Variants in SLC39A12 observed in about 807,000 individuals in gnomAD.
The protein encoded by SLC39A12 is zinc transporter ZIP12.
A neutral mutation model predicts 71.1 loss-of-function variants in SLC39A12; 63 were observed. The ratio of observed to expected loss-of-function variants is 0.89; its 90% CI spans 0.72 to 1.09. SLC39A12 has a LOEUF of 1.09. Ranked by LOEUF, SLC39A12 falls within the 50% of genes least tolerant of loss-of-function variation. SLC39A12 has a pLI of 0.00. For synonymous variants in SLC39A12, 351 were observed against 301.3 expected, an observed-to-expected ratio of 1.16 and a Z score of -1.71; for missense variants, 892 against 812.6, an observed-to-expected ratio of 1.10 and a Z score of -1.19.
intron 4 of SLC39A12, among the ~76,000 whole-genome samples, chr10:17,970,057 G>A (rs1834929676): frequency 6.6e-6 from 1 of 152,154 alleles, no homozygotes. Flanking sequence ...CTTTTCCCCA[G>A]TGTATGTTCT....
chr10:17,962,903 C>T (rs1834728298), intron 3 of SLC39A12, among the ~76,000 whole-genome samples: 1 of 152,146 alleles, frequency 6.6e-6, no homozygotes, highest in African/African-American at 2.4e-5. Context: ...TACCTATAAT[C>T]CCAACACTTT....
intron 12 of SLC39A12, among the ~76,000 whole-genome samples, chr10:18,026,592 T>C (rs1172946623): frequency 6.6e-6 from 1 of 152,164 alleles, no homozygotes; most frequent in Non-Finnish European, 1.5e-5. Context: ...TTGGAGAAAT[T>C]CTCAGTATTG....
At chr10:18,009,975 C>A (rs1372120720) in intron 12 of SLC39A12, among the ~76,000 whole-genome samples, 1 of 152,166 alleles carries the variant, frequency 6.6e-6, no homozygotes, top group Non-Finnish European at 1.5e-5. Flanking sequence ...AATTGAGTGA[C>A]AAACATCCAC....
chr10:17,991,681 G>A (rs1156565212), intron 8 of SLC39A12, among the ~76,000 whole-genome samples: 1 of 152,154 alleles, frequency 6.6e-6, no homozygotes, highest in Non-Finnish European at 1.5e-5. Flanking sequence ...GTAATTTTCT[G>A]TCTTAAAGGC....
At chr10:17,961,987 T>A (rs1834703617) in intron 3 of SLC39A12, 125 bp downstream of exon 3, 2 of 965,804 alleles carry the variant, frequency 2.1e-6, no homozygotes, top group Non-Finnish European at 3.0e-6. Flanking sequence ...TTGTGGGTTT[T>A]GGTTATGAGA....
chr10:17,987,880 C>G (rs12413168), intron 7 of SLC39A12, among the ~76,000 whole-genome samples: 60,876 of 151,866 alleles, frequency 0.4, 12,550 homozygotes, highest in Non-Finnish European at 0.45. Context: ...TGAAATAAAA[C>G]AAAGGAAAGG....
At chr10:18,033,110 T>C (rs1163615963) in intron 12 of SLC39A12, among the ~76,000 whole-genome samples, 2 of 145,210 alleles carry the variant, frequency 1.4e-5, no homozygotes, top group Non-Finnish European at 3.0e-5. Context: ...TCTAAAATTC[T>C]CTTTTTTGGT....
rs1837299342 is a variant in SLC39A12, at chr10:18,042,895, G to T, written c.*62G>T. 7 of 1,418,554 alleles carry T rather than the reference G, an allele frequency of 4.9e-6. No homozygotes were observed. Among genetic ancestry groups the T allele is most frequent in the Admixed American group, 2.2e-5 (1 of 44,570 alleles). 87.9% of individuals were successfully genotyped at this position (1,418,554 alleles called of 1,614,324 possible). ...ATAGTCTTACTTTGTTTCTTTCATT[G>T]CACTCTATAATGATTTTTAAATTAA... On this transcript the variant is annotated 3_prime_UTR_variant, in exon 13 of 13. Transcript: ENST00000377369.
At chr10:17,960,273 C>G (rs1834654571) in intron 2 of SLC39A12, among the ~76,000 whole-genome samples, 1 of 152,200 alleles carries the variant, frequency 6.6e-6, no homozygotes, top group African/African-American at 2.4e-5. Flanking sequence ...ATGTTCTCCT[C>G]TTCCTGATAC....
chr10:17,968,851 T>C (rs1180294261), intron 4 of SLC39A12, among the ~76,000 whole-genome samples: 1 of 152,210 alleles, frequency 6.6e-6, no homozygotes, highest in African/African-American at 2.4e-5. Flanking sequence ...AAGTTATTAT[T>C]GACTATAGTT....
rs1554847364 is a variant in SLC39A12 at position 17,953,400 on chromosome 10, C to T, written c.124C>T (p.Gln42Ter). The T allele has an allele frequency of 1.9e-6, 3 of 1,614,034 alleles. No individual in the cohort carries two copies. Among genetic ancestry groups the T allele is most frequent in the African/African-American group, 2.7e-5 (2 of 74,914 alleles). The change falls in exon 2 of 13, where the codon CAA becomes TAA. Residue 42 changes from glutamine to a stop codon, truncating the protein, a stop_gained. Transcript: ENST00000377369. LOFTEE classifies it high-confidence loss of function. ...TAGCAGAAGCCGTGGGAGTTCAGGC[C>T]AACCGGCAGACCTGCTACAGGTTCT... The part of the protein sequence containing the change: ...QDSRSRGSSG[Q>*]PADLLQVLSA...
chr10:17,999,956 A>T (rs2130840645), intron 10 of SLC39A12, among the ~76,000 whole-genome samples: 1 of 152,112 alleles, frequency 6.6e-6, no homozygotes, highest in East Asian at 1.9e-4. Context: ...TGGGAAATAC[A>T]CTCCATTTTA....
chr10:17,969,158 A>G (rs1256714480), intron 4 of SLC39A12, among the ~76,000 whole-genome samples: 2 of 152,190 alleles, frequency 1.3e-5, no homozygotes, highest in East Asian at 1.9e-4. Flanking sequence ...TCCATTGTGT[A>G]TATGTACCAC....
chr10:17,965,222 AAAAG>A (rs1209484112), intron 3 of SLC39A12, among the ~76,000 whole-genome samples: 1 of 152,124 alleles, frequency 6.6e-6, no homozygotes, highest in African/African-American at 2.4e-5. Context: ...AAAGAAAAAA[AAAAG>A]GATAGGGAGA....
Position 17,952,905 on chromosome 10 carries a change from A to G in SLC39A12, c.-86-286A>G, listed in dbSNP as rs573514152. 4.6e-4 allele frequency among the ~76,000 whole-genome samples: 70 copies of G among 152,326 alleles called. 1 individual carries two copies. The highest frequency in any genetic ancestry group is 1.7e-3 in the South Asian group (8 of 4,832). On this transcript the variant is annotated intron_variant, in intron 1 of 12. Coordinates refer to ENST00000377369, the MANE Select transcript of SLC39A12 (RefSeq NM_001145195.2). ...TGGGATAAACATAAGGTGTTTCCCA[A>G]CCTGGGTCCTATAACTTGTACCACC...
chr10:18,026,410 T>A (rs898481880), intron 12 of SLC39A12, among the ~76,000 whole-genome samples: 7 of 152,144 alleles, frequency 4.6e-5, no homozygotes, highest in African/African-American at 1.4e-4. Flanking sequence ...TTCTAAGAAG[T>A]CAGATACTTC....
chr10:18,041,532 A>G (rs1003933188), intron 12 of SLC39A12, among the ~76,000 whole-genome samples: 10 of 68,540 alleles, frequency 1.5e-4, no homozygotes, highest in Admixed American at 8.9e-4. Flanking sequence ...ATATGTATAT[A>G]TATACACACA....
intron 4 of SLC39A12, among the ~76,000 whole-genome samples, chr10:17,977,013 A>G (rs1056811104): frequency 5.3e-5 from 8 of 151,632 alleles, no homozygotes; most frequent in Non-Finnish European, 1.2e-4. Flanking sequence ...AGAATGAATT[A>G]TTTCTGTTAA....
chr10:18,028,787 T>C (rs1292661436), intron 12 of SLC39A12, among the ~76,000 whole-genome samples: 3 of 152,180 alleles, frequency 2.0e-5, no homozygotes, highest in Non-Finnish European at 4.4e-5. Flanking sequence ...TGGTGTGATC[T>C]TGGCTCACTG....
Sources: allele counts gnomAD v4.1 joint callset (sites outside exome capture counted in the v4.1 genomes callset), GRCh38; gene constraint gnomAD v4.1.1; transcripts MANE v1.5; gene names NCBI Gene and HGNC (gene_info 2026-07-23, HGNC 2026-07-21).